The following ZNF609 variants were observed in gnomAD, a reference collection of about 807,000 sequenced individuals.
ZNF609 encodes the protein zinc finger protein 609.
A neutral mutation model predicts 109.5 loss-of-function variants in ZNF609; 11 were observed. The ratio of observed to expected loss-of-function variants is 0.10; its 90% CI spans 0.06 to 0.17. The LOEUF (loss-of-function observed/expected upper bound fraction) is 0.17, where lower values mean the gene tolerates loss of function less well. ZNF609 is among the 10% of genes least tolerant of loss of function. ZNF609 has a pLI of 1.00. For missense variants in ZNF609, 1,559 were observed against 1,772.4 expected, an observed-to-expected ratio of 0.88 and a Z score of 2.16; for synonymous variants, 646 against 662.0, an observed-to-expected ratio of 0.98 and a Z score of 0.37.
chr15:64,619,539 G>A (rs1411843583), intron 2 of ZNF609, among the ~76,000 whole-genome samples: 1 of 152,168 alleles, frequency 6.6e-6, no homozygotes, highest in East Asian at 1.9e-4. Flanking sequence ...GATTTCTGTT[G>A]CAAAGTAAAT....
intron 2 of ZNF609, among the ~76,000 whole-genome samples, chr15:64,576,970 A>AC (rs1894971951): frequency 7.2e-6 from 1 of 138,356 alleles, no homozygotes; most frequent in African/African-American, 2.8e-5. Context: ...ATATACACAT[A>AC]AATATATATA....
chr15:64,669,729 G>A (rs1460687923), intron 3 of ZNF609, among the ~76,000 whole-genome samples: 7 of 151,936 alleles, frequency 4.6e-5, no homozygotes, highest in African/African-American at 7.3e-5. Flanking sequence ...GTGCAGTGGC[G>A]CAATCTTGGC....
chr15:64,539,884 G>A (rs532056611), intron 2 of ZNF609, among the ~76,000 whole-genome samples: 4 of 152,008 alleles, frequency 2.6e-5, no homozygotes, highest in Admixed American at 6.5e-5. Flanking sequence ...TGATCAGCCC[G>A]CCCTGGCCTC....
At chr15:64,497,463 C>T (rs940202706) in intron 1 of ZNF609, among the ~76,000 whole-genome samples, 1 of 152,106 alleles carries the variant, frequency 6.6e-6, no homozygotes, top group African/African-American at 2.4e-5. Flanking sequence ...TTTGACATTG[C>T]TCTGAGGGAA....
chr15:64,473,518 G>A (rs1253701223), intron 1 of ZNF609, among the ~76,000 whole-genome samples: 2 of 150,966 alleles, frequency 1.3e-5, no homozygotes, highest in African/African-American at 2.4e-5. Context: ...TCTTTTTTTC[G>A]TCCTCACCAC....
At chr15:64,657,704 T>A (rs1175981996) in intron 3 of ZNF609, among the ~76,000 whole-genome samples, 1 of 152,118 alleles carries the variant, frequency 6.6e-6, no homozygotes, top group Non-Finnish European at 1.5e-5. Flanking sequence ...GGGAGCACAA[T>A]TCAAAGACTA....
At chr15:64,595,069 T>C (rs1895368639) in intron 2 of ZNF609, among the ~76,000 whole-genome samples, 2 of 138,162 alleles carry the variant, frequency 1.4e-5, no homozygotes, top group Non-Finnish European at 3.1e-5. Context: ...TGTGAGTTTA[T>C]AAAATTTGGG....
At chr15:64,505,607 C>A (rs559186788) in intron 2 of ZNF609, among the ~76,000 whole-genome samples, 1 of 151,976 alleles carries the variant, frequency 6.6e-6, no homozygotes, top group African/African-American at 2.4e-5. Flanking sequence ...AAAGTGTGTC[C>A]CATAAAACCA....
intron 2 of ZNF609, among the ~76,000 whole-genome samples, chr15:64,515,573 G>C (rs1057385876): frequency 1.3e-5 from 2 of 151,994 alleles, no homozygotes; most frequent in Non-Finnish European, 2.9e-5. Context: ...AAGGGGGGAG[G>C]GGTAGGATAG....
chr15:64,620,181 A>G (rs1282340571), intron 2 of ZNF609, among the ~76,000 whole-genome samples: 1 of 152,232 alleles, frequency 6.6e-6, no homozygotes, highest in Non-Finnish European at 1.5e-5. Context: ...AGGACCTTGC[A>G]GGAATTTCTC....
chr15:64,603,851 T>A (rs897710391), intron 2 of ZNF609, among the ~76,000 whole-genome samples: 10 of 150,856 alleles, frequency 6.6e-5, no homozygotes, highest in Non-Finnish European at 1.3e-4. Context: ...TAAAAAAAAA[T>A]AGCCAGGCAT....
chr15:64,499,460 A>C lies in ZNF609; in HGVS notation c.41A>C (p.Asp14Ala). ...SSGASGGKGV[D>A]ANPVETYDSG... is the part of the protein sequence containing the mutation. ...GGAGCCTCCGGAGGGAAAGGAGTGGATGCAAACCCGGTTGAGACATACGAC... is the reference window on the plus strand; with the variant it reads ...GGAGCCTCCGGAGGGAAAGGAGTGGCTGCAAACCCGGTTGAGACATACGAC... Residue 14 changes from aspartate (D) to alanine (A), a missense_variant, in exon 2 of 10, where the codon GAT becomes GCT. Transcript: ENST00000326648. The C allele has an allele frequency of 6.2e-7, 1 of 1,614,090 alleles. No individual in the cohort carries two copies. Among genetic ancestry groups the C allele is most frequent in the Non-Finnish European group, 8.5e-7 (1 of 1,180,012 alleles).
intron 2 of ZNF609, 82 bp from the exon 3 acceptor site, chr15:64,622,745 A>C: frequency 8.4e-7 from 1 of 1,197,414 alleles, no homozygotes; most frequent in Non-Finnish European, 1.2e-6. Context: ...GAATAGATAT[A>C]GGACTAGATT....
intron 3 of ZNF609, among the ~76,000 whole-genome samples, 154 bp downstream of exon 3, chr15:64,623,206 T>G (rs1438436621): frequency 3.3e-5 from 5 of 152,246 alleles, no homozygotes; most frequent in Non-Finnish European, 1.5e-5. Context: ...TTTAGCAGAC[T>G]TAGCAAAATT....
intron 2 of ZNF609, among the ~76,000 whole-genome samples, chr15:64,553,724 G>T (rs530377757): frequency 6.6e-6 from 1 of 151,484 alleles, no homozygotes; most frequent in South Asian, 2.1e-4. Flanking sequence ...TCAGCCTCCC[G>T]AGTAGCTGGG....
intron 2 of ZNF609, among the ~76,000 whole-genome samples, chr15:64,526,687 TACTGCAATGGCATAATCACAGCCC>T (rs1300090461): frequency 6.6e-6 from 1 of 152,114 alleles, no homozygotes; most frequent in Non-Finnish European, 1.5e-5. Context: ...AATCACAGCT[TACTGCAATGGCATAATCACAGCCC>T]ACTGCATCCT....
intron 2 of ZNF609, among the ~76,000 whole-genome samples, chr15:64,578,231 C>T (rs1240738530): frequency 6.6e-6 from 1 of 151,668 alleles, no homozygotes; most frequent in African/African-American, 2.4e-5. Flanking sequence ...TGCGCCCAGC[C>T]AAGGTTTTTT....
intron 2 of ZNF609, among the ~76,000 whole-genome samples, chr15:64,546,133 A>G (rs553454688): frequency 2.0e-5 from 3 of 152,350 alleles, no homozygotes; most frequent in African/African-American, 7.2e-5. Flanking sequence ...TATGTATGAG[A>G]GTTCTAGTTG....
At chr15:64,563,709 G>A (rs1353541205) in intron 2 of ZNF609, among the ~76,000 whole-genome samples, 1 of 152,032 alleles carries the variant, frequency 6.6e-6, no homozygotes, top group Admixed American at 6.6e-5. Flanking sequence ...CTAGGAGGCA[G>A]AAGTTGCGGT....
Sources: gnomAD v4.1 joint callset for allele counts (sites outside exome capture counted in the v4.1 genomes callset) on GRCh38, gnomAD v4.1.1 for gene constraint, MANE v1.5 for transcripts, NCBI Gene and HGNC (gene_info 2026-07-23, HGNC 2026-07-21) for gene names.